Variants in MAN1A1 observed in about 807,000 individuals in gnomAD.
MAN1A1 encodes mannosyl-oligosaccharide 1,2-alpha-mannosidase IA.
A neutral mutation model predicts 70.8 loss-of-function variants in MAN1A1; 29 were observed. The ratio of observed to expected loss-of-function variants is 0.41; its 90% CI spans 0.31 to 0.56. MAN1A1 has a LOEUF of 0.56. Among genes scored for constraint, MAN1A1 ranks in the 20% least tolerant of loss-of-function variants. The pLI, the probability that MAN1A1 is intolerant of heterozygous loss-of-function variation, is 0.29. For missense variants in MAN1A1, 747 were observed against 841.3 expected, an observed-to-expected ratio of 0.89 and a Z score of 1.39; for synonymous variants, 349 against 330.1, an observed-to-expected ratio of 1.06 and a Z score of -0.62.
At chr6:119,333,130 G>A (rs974662484) in intron 2 of MAN1A1, among the ~76,000 whole-genome samples, 2 of 152,146 alleles carry the variant, frequency 1.3e-5, no homozygotes, top group Admixed American at 6.5e-5. Flanking sequence ...CTAGCAACAC[G>A]GGTGATGCAT....
intron 5 of MAN1A1, among the ~76,000 whole-genome samples, chr6:119,278,539 C>T (rs907084661): frequency 6.6e-6 from 1 of 152,038 alleles, no homozygotes; most frequent in Non-Finnish European, 1.5e-5. Flanking sequence ...GATCACTTCA[C>T]CGGTACTTAG....
chr6:119,330,939 C>G (rs929745579), intron 2 of MAN1A1, among the ~76,000 whole-genome samples: 5 of 152,154 alleles, frequency 3.3e-5, no homozygotes, highest in African/African-American at 4.8e-5. Flanking sequence ...GGCCTCCTTA[C>G]TCTCTACCCC....
At chr6:119,243,162 C>T (rs1775057508) in intron 6 of MAN1A1, among the ~76,000 whole-genome samples, 1 of 152,076 alleles carries the variant, frequency 6.6e-6, no homozygotes, top group Non-Finnish European at 1.5e-5. Context: ...GCTTATATCA[C>T]TGCTACAGAA....
In MAN1A1 at chr6:119,336,692, T is replaced by C. The variant is rs557122287; in HGVS notation, c.603+11771A>G. The stretch of plus-strand genomic sequence containing the variant: ...ACCTTCTTAGGGAGGAACATGTTTA[T>C]GTAATTCTGATTTCTCTAGTGGAAA... On this transcript the variant is annotated intron_variant, in intron 2 of 12. Transcript: ENST00000368468. Among the ~76,000 whole-genome samples, 40 of 152,350 alleles carry C rather than the reference T, an allele frequency of 2.6e-4. 2 individuals carry two copies. In the South Asian group the frequency reaches 6.2e-3, roughly 24 times the overall value.
At chr6:119,271,431 A>G (rs1381595535) in intron 5 of MAN1A1, among the ~76,000 whole-genome samples, 1 of 152,020 alleles carries the variant, frequency 6.6e-6, no homozygotes, top group Non-Finnish European at 1.5e-5. Context: ...TGTTCTTTCC[A>G]CCCTATAAGA....
intron 6 of MAN1A1, among the ~76,000 whole-genome samples, chr6:119,224,990 G>C (rs886081744): frequency 6.6e-6 from 1 of 152,038 alleles, no homozygotes; most frequent in Non-Finnish European, 1.5e-5. Context: ...AGCCGGGCAT[G>C]GTGGTGCATG....
intron 5 of MAN1A1, among the ~76,000 whole-genome samples, chr6:119,290,355 C>T (rs1481280398): frequency 1.3e-5 from 2 of 151,904 alleles, no homozygotes; most frequent in African/African-American, 4.8e-5. Context: ...GAAAAAAATT[C>T]ATCCACAAGC....
intron 2 of MAN1A1, among the ~76,000 whole-genome samples, chr6:119,315,915 A>C (rs1772838781): frequency 6.6e-6 from 1 of 152,202 alleles, no homozygotes; most frequent in African/African-American, 2.4e-5. Flanking sequence ...TTGTGTTTAA[A>C]GGTTTAACCT....
intron 9 of MAN1A1, among the ~76,000 whole-genome samples, chr6:119,190,202 G>C (rs138303047): frequency 7.5e-4 from 115 of 152,330 alleles, no homozygotes; most frequent in African/African-American, 2.7e-3. Flanking sequence ...AGCAGTAATA[G>C]TTGGTTTGGT....
intron 6 of MAN1A1, among the ~76,000 whole-genome samples, chr6:119,219,002 C>T (rs1176401859): frequency 6.6e-6 from 1 of 152,060 alleles, no homozygotes; most frequent in African/African-American, 2.4e-5. Context: ...GCTGCAGAAA[C>T]TTAACCCTTG....
At chr6:119,296,634 AG>A (rs1562230755) in intron 4 of MAN1A1, among the ~76,000 whole-genome samples, 1 of 152,120 alleles carries the variant, frequency 6.6e-6, no homozygotes, top group Non-Finnish European at 1.5e-5. Flanking sequence ...TCCTCCTGAC[AG>A]GGAACCCTAC....
chr6:119,235,963 C>A (rs923926891), intron 6 of MAN1A1, among the ~76,000 whole-genome samples: 2 of 151,870 alleles, frequency 1.3e-5, no homozygotes, highest in South Asian at 4.2e-4. Context: ...CATGGCAAAA[C>A]CCCATCTCTA....
At chr6:119,235,237 ATTAAG>A (rs1303629412) in intron 6 of MAN1A1, among the ~76,000 whole-genome samples, 2 of 152,236 alleles carry the variant, frequency 1.3e-5, no homozygotes, top group East Asian at 3.8e-4. Flanking sequence ...CCTAGAAATG[ATTAAG>A]TTTAGTGAGG....
chr6:119,202,981 GCT>G (rs750631483), intron 7 of MAN1A1, among the ~76,000 whole-genome samples: 5 of 131,398 alleles, frequency 3.8e-5, no homozygotes, highest in Non-Finnish European at 4.9e-5. Flanking sequence ...AGACACAAGA[GCT>G]CTCTCTCTCT....
chr6:119,203,628 G>T (rs2114948637), intron 7 of MAN1A1, among the ~76,000 whole-genome samples: 1 of 152,220 alleles, frequency 6.6e-6, no homozygotes, highest in South Asian at 2.1e-4. Context: ...AGCAGTAGAG[G>T]CAGTGAGACA....
chr6:119,291,520 C>T (rs62420869), intron 4 of MAN1A1, among the ~76,000 whole-genome samples: 5 of 125,420 alleles, frequency 4.0e-5, no homozygotes, highest in Admixed American at 7.5e-5. Flanking sequence ...CATAATGGGG[C>T]CAGGGCATTT....
chr6:119,219,588 G>A (rs1163277170), intron 6 of MAN1A1, among the ~76,000 whole-genome samples: 1 of 146,948 alleles, frequency 6.8e-6, no homozygotes, highest in Non-Finnish European at 1.5e-5. Context: ...AAAGAGATCT[G>A]TTTTTGTTTT....
chr6:119,205,281 T>C (rs945262338), intron 6 of MAN1A1, among the ~76,000 whole-genome samples: 1 of 152,214 alleles, frequency 6.6e-6, no homozygotes, highest in Admixed American at 6.5e-5. Context: ...GACCAAGGAA[T>C]TTTGGACATT....
intron 5 of MAN1A1, among the ~76,000 whole-genome samples, chr6:119,252,439 C>T (rs888426897): frequency 3.2e-4 from 48 of 152,190 alleles, no homozygotes; most frequent in African/African-American, 1.2e-3. Context: ...AGACAACCTA[C>T]AACATCAACA....
Sources: allele counts gnomAD v4.1 joint callset (sites outside exome capture counted in the v4.1 genomes callset), GRCh38; gene constraint gnomAD v4.1.1; transcripts MANE v1.5; gene names NCBI Gene and HGNC (gene_info 2026-07-23, HGNC 2026-07-21).